Variants in ZNF687 observed in about 807,000 individuals in gnomAD.
The protein encoded by ZNF687 is zinc finger protein 687.
A neutral mutation model predicts 71.8 loss-of-function variants in ZNF687; 13 were observed. The observed-to-expected ratio is 0.18, with a 90% CI of 0.12 to 0.29. The LOEUF (loss-of-function observed/expected upper bound fraction) is 0.29. Among genes scored for constraint, ZNF687 ranks in the 10% least tolerant of loss-of-function variants. The probability of loss-of-function intolerance (pLI) is 1.00; values close to 1 mark genes in which losing one functional copy is unlikely to be tolerated. For synonymous variants in ZNF687, 673 were observed against 641.6 expected (o/e 1.05, Z -0.74); for missense variants, 1,412 against 1,625.6 (o/e 0.87, Z 2.26).
Position 151,288,711 on chromosome 1 carries a change from C to T in ZNF687, c.2294+5C>T. On this transcript the variant is annotated splice_donor_5th_base_variant and intron_variant, in intron 3 of 8. Transcript: ENST00000336715. ...CTCTCGCCGTGTAGGATACAGGTGC[C>T]TCGGACCCTTCCTCCATAGAACTGT... 1 of 1,608,422 alleles carries T rather than the reference C, an allele frequency of 6.2e-7. No homozygotes were observed. Among genetic ancestry groups the T allele is most frequent in the Middle Eastern group, 1.7e-4 (1 of 6,018 alleles).
At chr1:151,286,141 C>T (rs1029951538) in intron 1 of ZNF687, 134 bp from the exon 2 acceptor site, 20 of 662,344 alleles carry the variant, frequency 3.0e-5, no homozygotes, top group African/African-American at 2.0e-4. Context: ...GGATTCATGC[C>T]GTGGCGGAGG....
rs776066373 is a variant in ZNF687, at chr1:151,288,099, C to G, written c.1808C>G (p.Ala603Gly). 5.0e-6 allele frequency: 8 copies of G among 1,613,984 alleles called. No individual in the cohort carries two copies. Among genetic ancestry groups the G allele is most frequent in the Non-Finnish European group, 6.8e-6 (8 of 1,180,034 alleles). ...TCACATTTGGTCATGAGGCCTGTAG[C>G]CCTTGACCAGATGGTGGGGCAGCCG... is the stretch of plus-strand genomic sequence containing the variant. ...QCSHLVMRPV[A>G]LDQMVGQPDI... Residue 603 changes from alanine to glycine, a missense_variant, in exon 2 of 9, where the codon GCC becomes GGC. This residue lies in a region of ZNF687 where 207 missense variants were observed against 239.2 expected (regional missense o/e 0.87). Coordinates refer to ENST00000336715, the MANE Select transcript of ZNF687 (RefSeq NM_020832.3).
intron 3 of ZNF687, among the ~76,000 whole-genome samples, 158 bp from the exon 4 acceptor site, chr1:151,288,937 C>T (rs1465238722): frequency 6.6e-6 from 1 of 152,244 alleles, no homozygotes; most frequent in East Asian, 1.9e-4. Flanking sequence ...TCCCTTGGGG[C>T]ACAGCCTCTG....
In ZNF687 at chr1:151,288,236, G is replaced by A. The variant is rs1213193218; in HGVS notation, c.1945G>A (p.Ala649Thr). 1.9e-6 allele frequency: 3 copies of A among 1,613,640 alleles called. No individual in the cohort carries two copies. Among genetic ancestry groups the A allele is most frequent in the Admixed American group, 3.3e-5 (2 of 60,028 alleles). Residue 649 changes from alanine to threonine, a missense_variant, in exon 2 of 9, where the codon GCT becomes ACT. Around this residue, in one of 8 missense-constraint regions of ZNF687, gnomAD observed 207 missense variants for 239.2 expected, o/e 0.87. Transcript: ENST00000336715. Reference sequence around the variant, plus strand: ...CACCTCCTCTGCCATTACTACAGTTGCTGCTGAGGCCCCTGTCCTGCCGCT... The same window carrying A: ...CACCTCCTCTGCCATTACTACAGTTACTGCTGAGGCCCCTGTCCTGCCGCT... ...AITSSAITTV[A>T]AEAPVLPLST...
In ZNF687 at chr1:151,290,022, AGGGGAGTACCATGGGCT is replaced by A. The variant is rs1009663107; in HGVS notation, c.2964+20_2964+36del. On this transcript the variant is annotated intron_variant, in intron 6 of 8. Transcript: ENST00000336715. ...AGCATGGCAAGGTGAGTGGGCCCCA[AGGGGAGTACCATGGGCT>A]GGGGGCAGCATTGGGACTGCCAGTG... 40 of 1,593,770 alleles carry A rather than the reference AGGGGAGTACCATGGGCT, an allele frequency of 2.5e-5. No individual in the cohort carries two copies. Among genetic ancestry groups the A allele is most frequent in the Non-Finnish European group, 3.3e-5 (38 of 1,167,840 alleles).
At chr1:151,289,071 C>T (rs769301087) in intron 3 of ZNF687, 24 bp from the exon 4 acceptor site, 2 of 1,610,912 alleles carry the variant, frequency 1.2e-6, no homozygotes, top group Admixed American at 1.7e-5. Context: ...CACCTCACCA[C>T]AGGGCCTCCT....
At position 151,289,504 on chromosome 1, in the gene ZNF687, C is replaced by T; in HGVS notation, c.2598C>T (p.Leu866=). 3 of 1,614,080 alleles carry T rather than the reference C, an allele frequency of 1.9e-6. No homozygotes were observed. The highest frequency in any genetic ancestry group is 2.5e-6 in the Non-Finnish European group (3 of 1,180,044). ...TTAAGTGCCCGTCTTGTCCTCTGCT[C>T]TTTGCCCAAAAAAGGACCATGCTGG... is the stretch of plus-strand genomic sequence containing the variant. The part of the protein sequence containing the change: ...SVFKCPSCPL[L]FAQKRTMLEH... Residue 866 remains leucine (L), a synonymous_variant, in exon 5 of 9, where the codon CTC becomes CTT. Transcript: ENST00000336715.
chr1:151,287,462 G>T lies in ZNF687; in HGVS notation c.1171G>T (p.Gly391Cys), dbSNP rs1320419692. ...TCCAAAGGTGGTGAGCGTACAGTTG[G>T]GTGATGGTACAAGGCTGAAAGGCAC... is the stretch of plus-strand genomic sequence containing the variant. ...EGPKVVSVQL[G>C]DGTRLKGTVL... The change falls in exon 2 of 9, where the codon GGT (glycine) becomes TGT (cysteine). Residue 391 changes from glycine (G) to cysteine (C), a missense_variant. Coordinates refer to ENST00000336715, the MANE Select transcript of ZNF687 (RefSeq NM_020832.3). This position sits in a 1 kb window ranked among gnomAD's most constrained non-coding sequence, Gnocchi z 5.0. 3 of 1,614,044 alleles carry T rather than the reference G, an allele frequency of 1.9e-6. No individual in the cohort carries two copies. In the African/African-American group the frequency reaches 4.0e-5, roughly 22 times the overall value.
At chr1:151,283,679 G>T in intron 1 of ZNF687, 1 of 294,690 alleles carries the variant, frequency 3.4e-6, no homozygotes, top group Non-Finnish European at 5.0e-6. Context: ...TCAGGCCTCT[G>T]GTCAGGAGGG....
chr1:151,282,290 G>C (rs1354029469), upstream of ZNF687: 1 of 1,003,264 alleles, frequency 1.0e-6, no homozygotes, highest in African/African-American at 1.7e-5. Context: ...GGCCGAACCG[G>C]AGAGAAGCAG....
rs978285744 is a variant in ZNF687, at chr1:151,286,175, G to A, written c.-17-100G>A. 8 of 1,016,700 alleles carry A rather than the reference G, an allele frequency of 7.9e-6. No homozygotes were observed. In the Admixed American group the frequency reaches 1.0e-4, roughly 13 times the overall value. The allele number at this position is 1,016,700 out of a possible 1,614,324, so 63.0% of individuals were successfully genotyped here. A position where few individuals can be genotyped will look rare whatever the true frequency, so the allele number is the denominator to read the frequency against. On this transcript the variant is annotated intron_variant, in intron 1 of 8. Transcript: ENST00000336715. ...GGTGTACCTAAGTTGGAGTGTATGTGGGTTCTGAGAGAGGATAAATATGGA... is the reference window on the plus strand; with the variant it reads ...GGTGTACCTAAGTTGGAGTGTATGTAGGTTCTGAGAGAGGATAAATATGGA...
rs1268363230 is a variant in ZNF687 at position 151,291,715 on chromosome 1, T to C, written c.*506T>C. On this transcript the variant is annotated 3_prime_UTR_variant, in exon 9 of 9. Transcript: ENST00000336715. ...CTACCCCTGCAGTGCCTTTCACTTC[T>C]TTTTTTCCCCAGAAATCCGGGGCGG... The C allele has an allele frequency of 6.6e-6, 1 of 151,714 alleles. No individual in the cohort carries two copies. The highest frequency in any genetic ancestry group is 2.4e-5 in the African/African-American group (1 of 41,238). 9.4% of individuals were successfully genotyped at this position (151,714 alleles called of 1,614,324 possible).
In ZNF687 at chr1:151,289,663, T is replaced by C. The variant is rs1483347427; in HGVS notation, c.2635-15T>C. 2 of 1,583,946 alleles carry C rather than the reference T, an allele frequency of 1.3e-6. No individual in the cohort carries two copies. Among genetic ancestry groups the C allele is most frequent in the Admixed American group, 1.8e-5 (1 of 55,290 alleles). ...CCTCCCCCACAACAGCAACCTCCCT[T>C]GTCTCCTCTCACAGAACACCCATCA... On this transcript the variant is annotated splice_polypyrimidine_tract_variant and intron_variant, in intron 5 of 8. Transcript: ENST00000336715.
intron 1 of ZNF687, 87 bp from the exon 2 acceptor site, chr1:151,286,188 G>C (rs960984287): frequency 8.7e-7 from 1 of 1,151,212 alleles, no homozygotes; most frequent in Non-Finnish European, 1.2e-6. Flanking sequence ...TTCTGAGAGA[G>C]GATAAATATG....
At position 151,288,197 on chromosome 1, in the gene ZNF687, G is replaced by T; in HGVS notation, c.1906G>T (p.Gly636Cys). The T allele has an allele frequency of 6.2e-7, 1 of 1,613,824 alleles. No homozygotes were observed. The change falls in exon 2 of 9, where the codon GGT (glycine) becomes TGT (cysteine). Residue 636 changes from glycine to cysteine, a missense_variant. Coordinates refer to ENST00000336715, the MANE Select transcript of ZNF687 (RefSeq NM_020832.3). Reference protein sequence around the residue: ...GPLALPALGKGEGAITSSAIT... With the variant: ...GPLALPALGKCEGAITSSAIT... ...TCTGGCCTTGCCTGCCTTGGGCAAG[G>T]GTGAGGGGGCCATCACCTCCTCTGC... is the stretch of plus-strand genomic sequence containing the variant.
At chr1:151,285,411 C>G (rs778201646) in intron 1 of ZNF687, 2 of 151,838 alleles carry the variant, frequency 1.3e-5, no homozygotes, top group African/African-American at 2.4e-5. Flanking sequence ...CTTCCCTGTT[C>G]CCTGTATTTT....
rs1158633305 is a variant in ZNF687, at chr1:151,286,998, A to G, written c.707A>G (p.Gln236Arg). The part of the protein sequence containing the change: ...CSPHHPQVLA[Q>R]QGSGSSPKAT... ...CCCCATCATCCCCAGGTCCTAGCCC[A>G]ACAAGGCTCAGGCTCCAGCCCTAAG... Residue 236 changes from glutamine (Q) to arginine (R), a missense_variant, in exon 2 of 9, where the codon CAA (glutamine) becomes CGA (arginine). Transcript: ENST00000336715. 6.2e-7 allele frequency: 1 copy of G among 1,602,052 alleles called. No homozygotes were observed. Among genetic ancestry groups the G allele is most frequent in the African/African-American group, 1.3e-5 (1 of 74,738 alleles).
chr1:151,290,428 TC>T lies in ZNF687; in HGVS notation c.3078-3del, dbSNP rs1694178932. 1 of 1,613,806 alleles carries T rather than the reference TC, an allele frequency of 6.2e-7. No individual in the cohort carries two copies. Among genetic ancestry groups the T allele is most frequent in the Admixed American group, 1.7e-5 (1 of 60,008 alleles). On this transcript the variant is annotated splice_region_variant and splice_polypyrimidine_tract_variant and intron_variant, in intron 7 of 8. Transcript: ENST00000336715. ...TGCTGCCATCCTGTCCTCTCCCATT[TC>T]AGGTATTGCACAGAGGGAAAACGCA...
intron 1 of ZNF687, 59 bp from the exon 2 acceptor site, chr1:151,286,216 G>C: frequency 2.2e-6 from 3 of 1,392,500 alleles, no homozygotes; most frequent in Non-Finnish European, 2.9e-6. Context: ...TGAGGGAAGA[G>C]CTCCAGGATC....
Sources: allele counts gnomAD v4.1 joint callset (sites outside exome capture counted in the v4.1 genomes callset), GRCh38; gene constraint gnomAD v4.1.1; regional missense constraint gnomAD v4.1.1; non-coding constraint Gnocchi (gnomAD v3.1); transcripts MANE v1.5; gene names NCBI Gene and HGNC (gene_info 2026-07-23, HGNC 2026-07-21).